The following CSNK1G3 variants were observed in gnomAD, a reference collection of about 807,000 sequenced individuals.
CSNK1G3 encodes the protein casein kinase I isoform gamma-3.
In CSNK1G3, 23 loss-of-function variants were observed where a neutral mutation model predicts 64.3. That is an observed-to-expected ratio of 0.36 (90% CI 0.26 to 0.51). The LOEUF is 0.51. Ranked by LOEUF, CSNK1G3 falls within the 20% of genes least tolerant of loss-of-function variation. The probability of loss-of-function intolerance (pLI) is 0.96; values close to 1 mark genes in which losing one functional copy is unlikely to be tolerated. For missense variants in CSNK1G3, 357 were observed against 510.5 expected, an observed-to-expected ratio of 0.70 and a Z score of 2.90; for synonymous variants, 158 against 162.2, an observed-to-expected ratio of 0.97 and a Z score of 0.20.
chr5:123,569,249 A>G (rs1242522818), intron 4 of CSNK1G3, among the ~76,000 whole-genome samples: 1 of 152,192 alleles, frequency 6.6e-6, no homozygotes, highest in African/African-American at 2.4e-5. Flanking sequence ...TTTCCTCCAA[A>G]AATGTGCTGC....
intron 4 of CSNK1G3, among the ~76,000 whole-genome samples, chr5:123,568,229 A>C (rs528830233): frequency 6.6e-6 from 1 of 152,228 alleles, no homozygotes; most frequent in South Asian, 2.1e-4. Flanking sequence ...TCTCAGATGT[A>C]ATGGTTTCGC....
At chr5:123,585,065 TGTCATTA>T (rs923130726) in intron 6 of CSNK1G3, among the ~76,000 whole-genome samples, 2 of 152,194 alleles carry the variant, frequency 1.3e-5, no homozygotes, top group African/African-American at 4.8e-5. Context: ...TTTCCTCATT[TGTCATTA>T]TTTTGTCCTT....
intron 11 of CSNK1G3, 91 bp downstream of exon 12, chr5:123,604,921 T>C (rs1484919987): frequency 2.9e-6 from 3 of 1,017,042 alleles, no homozygotes; most frequent in South Asian, 1.5e-5. Flanking sequence ...TTTCAGGAAA[T>C]TTTTTTCAGG....
chr5:123,580,612 T>C (rs1181135743), intron 6 of CSNK1G3, among the ~76,000 whole-genome samples: 1 of 151,946 alleles, frequency 6.6e-6, no homozygotes, highest in African/African-American at 2.4e-5. Flanking sequence ...TGTTGACATA[T>C]TGAATTGTTA....
intron 4 of CSNK1G3, among the ~76,000 whole-genome samples, chr5:123,567,959 C>T (rs933442234): frequency 6.6e-6 from 1 of 152,164 alleles, no homozygotes; most frequent in African/African-American, 2.4e-5. Context: ...ATTTTTACTG[C>T]ATCTTGCTGG....
At chr5:123,605,095 A>G (rs1795119635) in intron 11 of CSNK1G3, among the ~76,000 whole-genome samples, 1 of 152,104 alleles carries the variant, frequency 6.6e-6, no homozygotes, top group Admixed American at 6.6e-5. Context: ...TTTGAGTTTT[A>G]GGAGTGTTGA....
intron 1 of CSNK1G3, among the ~76,000 whole-genome samples, chr5:123,540,424 G>T (rs1183828298): frequency 6.6e-6 from 1 of 151,974 alleles, no homozygotes; most frequent in African/African-American, 2.4e-5. Flanking sequence ...GCTATTTTAA[G>T]AAGAAGGTCC....
At chr5:123,541,766 G>A (rs1781716577) in intron 1 of CSNK1G3, among the ~76,000 whole-genome samples, 1 of 152,016 alleles carries the variant, frequency 6.6e-6, no homozygotes. Flanking sequence ...ACAGTTTGTA[G>A]TTGAGTCTTG....
At position 123,562,597 on chromosome 5, in the gene CSNK1G3, G is replaced by A. The variant is rs143195211; in HGVS notation, c.289+5033G>A. On this transcript the variant is annotated intron_variant, in intron 4 of 12. Coordinates refer to ENST00000345990, the Ensembl canonical transcript of CSNK1G3. The stretch of plus-strand genomic sequence containing the variant: ...TATTTTAATATTACACAAAATTGTC[G>A]TATTATTAATTTTGAGTTTATTCTA... Among the ~76,000 whole-genome samples, 1,465 of 151,902 alleles carry A rather than the reference G, an allele frequency of 9.6e-3. 29 individuals carry two copies. The highest frequency in any genetic ancestry group is 0.033 in the African/African-American group (1,376 of 41,448).
chr5:123,583,702 C>T (rs1284768436), intron 6 of CSNK1G3, among the ~76,000 whole-genome samples: 1 of 151,624 alleles, frequency 6.6e-6, no homozygotes, highest in Admixed American at 6.6e-5. Flanking sequence ...TTTGTAGAGA[C>T]AGGGTCTTGC....
intron 1 of CSNK1G3, among the ~76,000 whole-genome samples, chr5:123,526,860 GTGTGTGTGTGTGTGTGTGTGTA>G (rs1779177635): frequency 8.5e-6 from 1 of 118,324 alleles, no homozygotes; most frequent in Non-Finnish European, 1.8e-5. Context: ...GTGTGTGTGT[GTGTGTGTGTGTGTGTGTGTGTA>G]TGAACATAAT....
intron 1 of CSNK1G3, among the ~76,000 whole-genome samples, chr5:123,542,524 G>A (rs1490800313): frequency 2.0e-5 from 3 of 152,066 alleles, no homozygotes; most frequent in African/African-American, 7.2e-5. Context: ...AGCATTTCTT[G>A]TTGTGCAGGT....
intron 4 of CSNK1G3, among the ~76,000 whole-genome samples, chr5:123,567,789 T>C (rs1260311919): frequency 2.6e-5 from 4 of 152,220 alleles, no homozygotes; most frequent in African/African-American, 9.6e-5. Context: ...ATTGCAGTTG[T>C]GGGCTGTGAA....
At chr5:123,538,395 T>C (rs1173451349) in intron 1 of CSNK1G3, among the ~76,000 whole-genome samples, 1 of 152,228 alleles carries the variant, frequency 6.6e-6, no homozygotes, top group African/African-American at 2.4e-5. Flanking sequence ...TATTTCATTA[T>C]GGTTTTAATT....
At chr5:123,541,139 T>G (rs1421470684) in intron 1 of CSNK1G3, among the ~76,000 whole-genome samples, 1 of 152,236 alleles carries the variant, frequency 6.6e-6, no homozygotes, top group African/African-American at 2.4e-5. Context: ...TTATACCTTG[T>G]TGATTACTGA....
At chr5:123,516,284 G>C (rs1010161864) in intron 1 of CSNK1G3, among the ~76,000 whole-genome samples, 1 of 152,060 alleles carries the variant, frequency 6.6e-6, no homozygotes, top group Non-Finnish European at 1.5e-5. Flanking sequence ...AACTATGCTT[G>C]GATTCTTAAT....
In CSNK1G3 at chr5:123,599,765, T is replaced by A. The variant is rs948516472; in HGVS notation, c.1087-4959T>A. The stretch of plus-strand genomic sequence containing the variant: ...AAGAGAGATTGTGGAGGGAGTATGG[T>A]TATGTGCCTTTATTACATAAATAAT... On this transcript the variant is annotated intron_variant, in intron 10 of 12. Coordinates refer to ENST00000345990, the Ensembl canonical transcript of CSNK1G3. Among the ~76,000 whole-genome samples the A allele has an allele frequency of 2.0e-5, 3 of 152,098 alleles. No homozygotes were observed. In the South Asian group the frequency reaches 6.2e-4, roughly 32 times the overall value.
At chr5:123,565,770 G>A (rs1028827633) in intron 4 of CSNK1G3, among the ~76,000 whole-genome samples, 1 of 152,120 alleles carries the variant, frequency 6.6e-6, no homozygotes, top group Non-Finnish European at 1.5e-5. Context: ...CAGTTATCAC[G>A]TGGAGAGAGT....
intron 1 of CSNK1G3, among the ~76,000 whole-genome samples, chr5:123,521,784 G>A (rs1180326873): frequency 6.6e-6 from 1 of 152,136 alleles, no homozygotes; most frequent in East Asian, 1.9e-4. Context: ...ATAGATGAGA[G>A]GAGGGAAGGA....
Sources: gnomAD v4.1 joint callset for allele counts (sites outside exome capture counted in the v4.1 genomes callset) on GRCh38, gnomAD v4.1.1 for gene constraint, MANE v1.5 for transcripts, NCBI Gene and HGNC (gene_info 2026-07-23, HGNC 2026-07-21) for gene names.